Variants in SYNE2 observed in about 807,000 individuals in gnomAD.
SYNE2 encodes the protein nesprin-2.
SYNE2 carries 431 observed loss-of-function variants against 856.3 expected under a neutral mutation model. The observed-to-expected ratio is 0.50, with a 90% CI of 0.47 to 0.55. SYNE2 has a LOEUF of 0.55. Among genes scored for constraint, SYNE2 ranks in the 20% least tolerant of loss-of-function variants. SYNE2 has a pLI of 0.00. For missense variants in SYNE2, 8,129 were observed against 8,023.2 expected, an observed-to-expected ratio of 1.01 and a Z score of -0.50; for synonymous variants, 2,923 against 2,872.3, an observed-to-expected ratio of 1.02 and a Z score of -0.56.
At chr14:64,007,020 C>T (rs780785606) in intron 30 of SYNE2, 23 bp from the exon 31 acceptor site, 3 of 1,598,736 alleles carry the variant, frequency 1.9e-6, no homozygotes, top group Middle Eastern at 2.1e-4. Context: ...GGCTATCAAA[C>T]TTTTTTCTCA....
At chr14:64,070,951 A>G (rs775960042) in intron 52 of SYNE2, 41 bp downstream of exon 52, 10 of 1,607,652 alleles carry the variant, frequency 6.2e-6, no homozygotes, top group South Asian at 4.4e-5. Context: ...GTGCTTGACA[A>G]TTATGGCTCA....
chr14:63,909,574 G>A (rs889543852), intron 2 of SYNE2, among the ~76,000 whole-genome samples: 1 of 152,072 alleles, frequency 6.6e-6, no homozygotes, highest in African/African-American at 2.4e-5. Flanking sequence ...AGGCACGGTG[G>A]CTCATGCCTG....
chr14:64,106,432 G>C (rs1039675323), intron 64 of SYNE2, among the ~76,000 whole-genome samples: 1 of 152,158 alleles, frequency 6.6e-6, no homozygotes, highest in Non-Finnish European at 1.5e-5. Flanking sequence ...AGTGGATCAC[G>C]AGGTCAGGAG....
At chr14:63,846,048 T>C (rs1890219358) in intron 1 of SYNE2, among the ~76,000 whole-genome samples, 3 of 150,684 alleles carry the variant, frequency 2.0e-5, no homozygotes, top group Non-Finnish European at 4.4e-5. Context: ...CTGCCCTTTT[T>C]TTTTTTTTTT....
chr14:63,771,724 C>G (rs1886918748), intron 1 of SYNE2, among the ~76,000 whole-genome samples: 2 of 151,852 alleles, frequency 1.3e-5, no homozygotes, highest in African/African-American at 4.8e-5. Flanking sequence ...AGGGTGAAAC[C>G]CTGTCTCTAC....
At chr14:64,189,603 T>C (rs1323386249) in intron 98 of SYNE2, among the ~76,000 whole-genome samples, 3 of 152,222 alleles carry the variant, frequency 2.0e-5, no homozygotes, top group Non-Finnish European at 4.4e-5. Flanking sequence ...TTAAAAATAA[T>C]TATTGCCTTA....
At chr14:63,920,704 G>A (rs1443727905) in intron 2 of SYNE2, among the ~76,000 whole-genome samples, 1 of 151,878 alleles carries the variant, frequency 6.6e-6, no homozygotes, top group Non-Finnish European at 1.5e-5. Context: ...GTGTCCTGAT[G>A]TAGAGGTGGC....
Position 63,828,028 on chromosome 14 carries a change from CAAAAAAA to C in SYNE2, c.-304-24460_-304-24454del, listed in dbSNP as rs71120298. On this transcript the variant is annotated intron_variant, in intron 1 of 23. Transcript: ENST00000674003. Reference sequence around the variant, plus strand: ...GGCAACAAGGCGAGTCTTCGTCTTTCAAAAAAAAAAAAAAAAAAATTAGCCAGGTGTG... The same window carrying C: ...GGCAACAAGGCGAGTCTTCGTCTTTCAAAAAAAAAAAATTAGCCAGGTGTG... Among the ~76,000 whole-genome samples, 186 of 98,386 alleles carry C rather than the reference CAAAAAAA, an allele frequency of 1.9e-3. 1 individual carries two copies. Among genetic ancestry groups the C allele is most frequent in the Middle Eastern group, 0.011 (2 of 184 alleles). The allele number at this position is 98,386 out of a possible 152,430, so 64.5% of individuals were successfully genotyped here.
intron 90 of SYNE2, 56 bp from the exon 91 acceptor site, chr14:64,167,177 T>C (rs1043497347): frequency 2.2e-5 from 35 of 1,610,726 alleles, no homozygotes; most frequent in Non-Finnish European, 3.0e-5. Flanking sequence ...GGGTTTTTTG[T>C]CATCTAGATA....
At chr14:63,798,930 T>TA (rs1434935181) in intron 1 of SYNE2, among the ~76,000 whole-genome samples, 1 of 152,202 alleles carries the variant, frequency 6.6e-6, no homozygotes, top group Non-Finnish European at 1.5e-5. Context: ...GATGACCCGA[T>TA]ATCCTGCTGA....
At chr14:63,945,502 T>C (rs1433533704) in intron 6 of SYNE2, among the ~76,000 whole-genome samples, 2 of 152,234 alleles carry the variant, frequency 1.3e-5, no homozygotes, top group African/African-American at 2.4e-5. Context: ...AGTAAGTCTT[T>C]CTTGTTCATT....
chr14:64,164,763 C>T (rs2098361352), intron 89 of SYNE2, among the ~76,000 whole-genome samples: 1 of 152,012 alleles, frequency 6.6e-6, no homozygotes, highest in African/African-American at 2.4e-5. Flanking sequence ...CTCAAAGGCA[C>T]GAGTGAAAAA....
At chr14:64,211,503 G>C (rs147360216) in intron 103 of SYNE2, among the ~76,000 whole-genome samples, 112 of 152,338 alleles carry the variant, frequency 7.4e-4, no homozygotes, top group African/African-American at 2.5e-3. Flanking sequence ...CCTCAATCCT[G>C]ATATCAAGGC....
At chr14:63,861,592 A>G (rs893543344) in intron 1 of SYNE2, among the ~76,000 whole-genome samples, 9 of 148,532 alleles carry the variant, frequency 6.1e-5, no homozygotes, top group African/African-American at 2.2e-4. Context: ...GGAGTTTGAG[A>G]CCAGCCTGGG....
chr14:64,177,814 A>G (rs1286390488), intron 96 of SYNE2, among the ~76,000 whole-genome samples: 1 of 152,234 alleles, frequency 6.6e-6, no homozygotes, highest in Non-Finnish European at 1.5e-5. Context: ...TCCCTTATCA[A>G]ATGTCCTCTT....
At chr14:64,129,744 C>CTGAAGGG in intron 74 of SYNE2, 38 bp from the exon 75 acceptor site, 2 of 1,613,178 alleles carry the variant, frequency 1.2e-6, no homozygotes, top group Non-Finnish European at 1.7e-6. Context: ...CTCTGACTTA[C>CTGAAGGG]TGAAGGGTTT....
At chr14:63,916,951 A>G (rs1379008897) in intron 2 of SYNE2, among the ~76,000 whole-genome samples, 1 of 151,956 alleles carries the variant, frequency 6.6e-6, no homozygotes, top group Non-Finnish European at 1.5e-5. Context: ...TTAGCTGGGC[A>G]TGGCAACATT....
At chr14:64,048,814 C>G (rs1321292945) in intron 46 of SYNE2, 1 of 150,546 alleles carries the variant, frequency 6.6e-6, no homozygotes, top group African/African-American at 2.4e-5. Flanking sequence ...GAGACTGAGA[C>G]AGGAGGATTG....
At chr14:64,193,030 A>C (rs2098525205) in intron 99 of SYNE2, among the ~76,000 whole-genome samples, 2 of 152,342 alleles carry the variant, frequency 1.3e-5, no homozygotes, top group East Asian at 3.9e-4. Context: ...TCAGCCTTAC[A>C]TAGAATCCCT....
Sources: allele counts gnomAD v4.1 joint callset (sites outside exome capture counted in the v4.1 genomes callset), GRCh38; gene constraint gnomAD v4.1.1; transcripts MANE v1.5; gene names NCBI Gene and HGNC (gene_info 2026-07-23, HGNC 2026-07-21).